The following LMNTD1 variants were observed in gnomAD, a reference collection of about 807,000 sequenced individuals.
LMNTD1 encodes the protein lamin tail domain-containing protein 1.
In LMNTD1, 35 loss-of-function variants were observed where a neutral mutation model predicts 50.9. That is an observed-to-expected ratio of 0.69 (90% CI 0.53 to 0.91). The LOEUF is 0.91. Among genes scored for constraint, LMNTD1 ranks in the 40% least tolerant of loss-of-function variants. The pLI, the probability that LMNTD1 is intolerant of heterozygous loss-of-function variation, is 0.00. For missense variants in LMNTD1, 470 were observed against 475.5 expected (o/e 0.99, Z 0.11); for synonymous variants, 153 against 161.9 (o/e 0.94, Z 0.42).
At position 25,543,512 on chromosome 12, in the gene LMNTD1, A is replaced by G. The variant is rs188749003; in HGVS notation, c.491+2862T>C. On this transcript the variant is annotated intron_variant, in intron 4 of 9. Transcript: ENST00000458174. ...TCACTAGATGCATAGAAAGTATTTG[A>G]TACAATCCAACACCATGGAAAAAAG... 7.2e-5 allele frequency among the ~76,000 whole-genome samples: 11 copies of G among 152,100 alleles called. No homozygotes were observed. In the East Asian group the frequency reaches 1.7e-3, roughly 24 times the overall value.
chr12:25,548,120 A>G (rs1468889534), intron 3 of LMNTD1, among the ~76,000 whole-genome samples: 4 of 151,880 alleles, frequency 2.6e-5, no homozygotes, highest in Admixed American at 2.0e-4. Context: ...CTAAAGGTCA[A>G]TGTAAACTTA....
chr12:25,588,326 TTTTAAG>T (rs1945603040), intron 1 of LMNTD1, among the ~76,000 whole-genome samples: 1 of 152,158 alleles, frequency 6.6e-6, no homozygotes, highest in African/African-American at 2.4e-5. Flanking sequence ...TACTAGTTTG[TTTTAAG>T]TTTATTTAAA....
At chr12:25,537,074 C>T (rs748208165) in intron 4 of LMNTD1, among the ~76,000 whole-genome samples, 6 of 152,226 alleles carry the variant, frequency 3.9e-5, no homozygotes, top group African/African-American at 1.4e-4. Flanking sequence ...CTCGGAGGGT[C>T]CTACCCCATG....
chr12:25,559,901 C>G (rs1460612566), intron 1 of LMNTD1, among the ~76,000 whole-genome samples: 1 of 151,854 alleles, frequency 6.6e-6, no homozygotes, highest in African/African-American at 2.4e-5. Flanking sequence ...TTGATTTTTT[C>G]TTACAAATTT....
Position 25,520,143 on chromosome 12 carries a change from T to TATATATATAG in LMNTD1, c.799-69_799-68insCTATATATAT, listed in dbSNP as rs1243291668. 8 of 84,704 alleles carry TATATATATAG rather than the reference T, an allele frequency of 9.4e-5. 2 individuals are homozygous for TATATATATAG. The highest frequency in any genetic ancestry group is 1.3e-4 in the Non-Finnish European group (5 of 39,586). The allele number at this position is 84,704 out of a possible 1,614,324, so 5.2% of individuals were successfully genotyped here. A position where few individuals can be genotyped will look rare whatever the true frequency, so the allele number is the denominator to read the frequency against. ...GTTTACAACATGCTGTTATGAGATA[T>TATATATATAG]ACATATATATATATATATATATATA... On this transcript the variant is annotated intron_variant, in intron 6 of 9. Transcript: ENST00000458174.
In LMNTD1 at chr12:25,605,785, C is replaced by T. The variant is rs569290840; in HGVS notation, c.58+42709G>A. Among the ~76,000 whole-genome samples, 217 of 152,270 alleles carry T rather than the reference C, an allele frequency of 1.4e-3. 1 individual carries two copies. Among genetic ancestry groups the T allele is most frequent in the African/African-American group, 5.1e-3 (211 of 41,546 alleles). On this transcript the variant is annotated intron_variant, in intron 1 of 7. Coordinates refer to the LMNTD1 transcript ENST00000445693. The stretch of plus-strand genomic sequence containing the variant: ...TTGAAGTCAGGTAGTGTGATGCCTC[C>T]AGCTTTGTTCTTTTGGCTTAGGCAA...
At chr12:25,619,164 C>G (rs1166262441) in intron 1 of LMNTD1, among the ~76,000 whole-genome samples, 1 of 150,866 alleles carries the variant, frequency 6.6e-6, no homozygotes, top group Non-Finnish European at 1.5e-5. Context: ...AGGAGTTTCT[C>G]TAGAATATAT....
intron 1 of LMNTD1, among the ~76,000 whole-genome samples, chr12:25,638,455 A>C (rs377495878): frequency 1.3e-5 from 2 of 152,120 alleles, no homozygotes; most frequent in East Asian, 1.9e-4. Flanking sequence ...CAACTTACTA[A>C]AAGCCTATTA....
At chr12:25,615,039 G>A (rs1027317251) in intron 1 of LMNTD1, among the ~76,000 whole-genome samples, 3 of 152,102 alleles carry the variant, frequency 2.0e-5, no homozygotes, top group African/African-American at 7.2e-5. Context: ...CTGCATCACC[G>A]TCACAATCTG....
At chr12:25,572,407 T>C (rs1409027087) in intron 1 of LMNTD1, among the ~76,000 whole-genome samples, 4 of 152,208 alleles carry the variant, frequency 2.6e-5, no homozygotes, top group Non-Finnish European at 5.9e-5. Flanking sequence ...TACAAGAATG[T>C]TTTTATATTC....
At chr12:25,607,724 T>C (rs1208760136) in intron 1 of LMNTD1, among the ~76,000 whole-genome samples, 1 of 152,230 alleles carries the variant, frequency 6.6e-6, no homozygotes, top group African/African-American at 2.4e-5. Context: ...TCTGTTCTTT[T>C]ACATTGGCTG....
At chr12:25,633,954 A>G (rs1239096356) in intron 1 of LMNTD1, among the ~76,000 whole-genome samples, 1 of 152,236 alleles carries the variant, frequency 6.6e-6, no homozygotes, top group Non-Finnish European at 1.5e-5. Flanking sequence ...CAAGAAAAGA[A>G]GAGAGAAAAA....
chr12:25,599,234 G>T (rs1945910604), intron 1 of LMNTD1, among the ~76,000 whole-genome samples: 1 of 151,716 alleles, frequency 6.6e-6, no homozygotes, highest in Non-Finnish European at 1.5e-5. Flanking sequence ...TGATGCTCAA[G>T]AAAAATTTCA....
At chr12:25,496,135 C>A (rs957857174) in intron 9 of LMNTD1, among the ~76,000 whole-genome samples, 1 of 152,130 alleles carries the variant, frequency 6.6e-6, no homozygotes, top group Non-Finnish European at 1.5e-5. Flanking sequence ...AACACCTGAA[C>A]CTTACATACC....
At chr12:25,605,260 G>T (rs1446755032) in intron 1 of LMNTD1, among the ~76,000 whole-genome samples, 1 of 152,146 alleles carries the variant, frequency 6.6e-6, no homozygotes, top group East Asian at 1.9e-4. Flanking sequence ...TGTCAGATGA[G>T]TAGGTTGCAA....
At chr12:25,587,534 C>T (rs750306310) in intron 1 of LMNTD1, among the ~76,000 whole-genome samples, 9 of 139,056 alleles carry the variant, frequency 6.5e-5, no homozygotes, top group Non-Finnish European at 3.0e-5. Context: ...TGAGGACTCA[C>T]TCAATCTTGT....
intron 1 of LMNTD1, among the ~76,000 whole-genome samples, chr12:25,565,141 G>C (rs920277195): frequency 3.3e-5 from 5 of 151,654 alleles, no homozygotes; most frequent in Non-Finnish European, 5.9e-5. Flanking sequence ...GTGTGTTTCA[G>C]CCACTCTATG....
At chr12:25,604,485 C>T (rs1946050325) in intron 1 of LMNTD1, among the ~76,000 whole-genome samples, 1 of 151,986 alleles carries the variant, frequency 6.6e-6, no homozygotes, top group Non-Finnish European at 1.5e-5. Flanking sequence ...TCTCCTAATG[C>T]TATCCCTCCC....
At chr12:25,614,422 C>T (rs921645277) in intron 1 of LMNTD1, among the ~76,000 whole-genome samples, 1 of 152,116 alleles carries the variant, frequency 6.6e-6, no homozygotes, top group African/African-American at 2.4e-5. Context: ...TGACCTCCAG[C>T]TCAGCACATC....
Sources: gnomAD v4.1 joint callset for allele counts (sites outside exome capture counted in the v4.1 genomes callset) on GRCh38, gnomAD v4.1.1 for gene constraint, MANE v1.5 for transcripts, NCBI Gene and HGNC (gene_info 2026-07-23, HGNC 2026-07-21) for gene names.